The following PDZRN4 variants were observed in gnomAD, a reference collection of about 807,000 sequenced individuals.
PDZRN4 encodes PDZ domain containing ring finger 4.
A neutral mutation model predicts 99.0 loss-of-function variants in PDZRN4; 70 were observed. The observed-to-expected ratio is 0.71, with a 90% CI of 0.58 to 0.86. The LOEUF (loss-of-function observed/expected upper bound fraction) is 0.86. Among genes scored for constraint, PDZRN4 ranks in the 40% least tolerant of loss-of-function variants. The probability of loss-of-function intolerance (pLI) is 0.00; values close to 1 mark genes in which losing one functional copy is unlikely to be tolerated. For missense variants in PDZRN4, 1,474 were observed against 1,331.2 expected (o/e 1.11, Z -1.67); for synonymous variants, 551 against 501.6 (o/e 1.10, Z -1.32).
chr12:41,486,418 A>G (rs1047158605), intron 3 of PDZRN4, among the ~76,000 whole-genome samples: 2 of 152,130 alleles, frequency 1.3e-5, no homozygotes, highest in Non-Finnish European at 2.9e-5. Context: ...TGTCATGCAA[A>G]AAATAGGCGA....
At chr12:41,213,365 C>T (rs958660814) in intron 3 of PDZRN4, among the ~76,000 whole-genome samples, 1 of 152,034 alleles carries the variant, frequency 6.6e-6, no homozygotes, top group Non-Finnish European at 1.5e-5. Flanking sequence ...ACGGCTTCAA[C>T]ATATATTTCA....
chr12:41,569,054 G>A (rs7974163), intron 9 of PDZRN4, among the ~76,000 whole-genome samples: 49,035 of 151,014 alleles, frequency 0.32, 8,700 homozygotes, highest in Admixed American at 0.4. Flanking sequence ...CACCTGCCTC[G>A]GCCTCCCAAA....
chr12:41,424,503 C>T (rs1371529726), intron 3 of PDZRN4, among the ~76,000 whole-genome samples: 1 of 152,054 alleles, frequency 6.6e-6, no homozygotes, highest in African/African-American at 2.4e-5. Flanking sequence ...TGTCTTTACA[C>T]AAAATTGGTT....
intron 3 of PDZRN4, among the ~76,000 whole-genome samples, chr12:41,327,057 A>C (rs1419806252): frequency 6.6e-6 from 1 of 152,056 alleles, no homozygotes; most frequent in Non-Finnish European, 1.5e-5. Context: ...TTGAAGATGC[A>C]ATTCCTCTTT....
chr12:41,282,022 A>G (rs1304482383), intron 3 of PDZRN4, among the ~76,000 whole-genome samples: 1 of 152,216 alleles, frequency 6.6e-6, no homozygotes, highest in Non-Finnish European at 1.5e-5. Flanking sequence ...ATACATAACA[A>G]TATTAACCTT....
intron 3 of PDZRN4, among the ~76,000 whole-genome samples, chr12:41,424,225 C>T (rs1053838446): frequency 6.6e-6 from 1 of 152,108 alleles, no homozygotes; most frequent in Admixed American, 6.6e-5. Context: ...ATGCAAACTT[C>T]CTCTGAGAGT....
intron 3 of PDZRN4, among the ~76,000 whole-genome samples, chr12:41,363,391 G>A (rs1171456896): frequency 6.6e-6 from 1 of 152,020 alleles, no homozygotes; most frequent in Non-Finnish European, 1.5e-5. Context: ...GAAAAAATAA[G>A]CAAACAGACA....
At chr12:41,488,745 C>G (rs1342598359) in intron 3 of PDZRN4, among the ~76,000 whole-genome samples, 1 of 152,142 alleles carries the variant, frequency 6.6e-6, no homozygotes, top group East Asian at 1.9e-4. Context: ...TAATCCAAGT[C>G]AATTTTTTCC....
intron 3 of PDZRN4, among the ~76,000 whole-genome samples, chr12:41,386,328 A>G (rs1226783653): frequency 6.6e-6 from 1 of 152,210 alleles, no homozygotes; most frequent in Non-Finnish European, 1.5e-5. Context: ...ATCAGGCAAG[A>G]GAAAGAAATA....
intron 1 of PDZRN4, among the ~76,000 whole-genome samples, chr12:41,190,969 G>T (rs1445274978): frequency 2.0e-5 from 3 of 152,094 alleles, no homozygotes; most frequent in Admixed American, 1.3e-4. Flanking sequence ...AACAGATCCT[G>T]CATTACAACA....
rs200030232 is a variant in PDZRN4 at position 41,372,853 on chromosome 12, A to C, written c.844-133603A>C. ...GATATTTTGATTTGGAAAGAAGTCT[A>C]TACAGGATGAATTTAAAAAGCTTTT... On this transcript the variant is annotated intron_variant, in intron 3 of 9. Coordinates refer to ENST00000402685, the MANE Select transcript of PDZRN4 (RefSeq NM_001164595.2). Among the ~76,000 whole-genome samples the C allele has an allele frequency of 4.6e-5, 7 of 152,274 alleles. No homozygotes were observed. In the East Asian group the frequency reaches 1.2e-3, roughly 25 times the overall value.
chr12:41,539,051 A>G (rs1264566995), intron 5 of PDZRN4, among the ~76,000 whole-genome samples: 1 of 152,006 alleles, frequency 6.6e-6, no homozygotes, highest in African/African-American at 2.4e-5. Flanking sequence ...AATCAAACTT[A>G]GAAGGTATGT....
chr12:41,413,943 G>A (rs1952420313), intron 3 of PDZRN4, among the ~76,000 whole-genome samples: 1 of 152,146 alleles, frequency 6.6e-6, no homozygotes, highest in African/African-American at 2.4e-5. Context: ...TTTTGTAGTA[G>A]CAGGTATCAT....
intron 3 of PDZRN4, among the ~76,000 whole-genome samples, chr12:41,222,452 T>C (rs183877717): frequency 6.6e-6 from 1 of 152,212 alleles, no homozygotes; most frequent in East Asian, 1.9e-4. Context: ...TCGTATAAAA[T>C]GAGTTTTATA....
intron 1 of PDZRN4, among the ~76,000 whole-genome samples, chr12:41,189,924 C>G (rs1007253040): frequency 6.6e-6 from 1 of 152,144 alleles, no homozygotes; most frequent in East Asian, 1.9e-4. Context: ...AACTGCGCTC[C>G]TGGTCCTCCC....
chr12:41,241,462 T>A (rs1392104847), intron 3 of PDZRN4, among the ~76,000 whole-genome samples: 3 of 143,538 alleles, frequency 2.1e-5, no homozygotes, highest in Admixed American at 2.0e-4. Context: ...GAGCGTGGGC[T>A]TTTGTTACCA....
chr12:41,523,849 A>G (rs1433427791), intron 5 of PDZRN4, among the ~76,000 whole-genome samples: 1 of 152,176 alleles, frequency 6.6e-6, no homozygotes, highest in Non-Finnish European at 1.5e-5. Context: ...GCTGGAAAGT[A>G]CTAGTGTATA....
At chr12:41,556,386 C>A (rs1939162773) in intron 7 of PDZRN4, among the ~76,000 whole-genome samples, 1 of 152,226 alleles carries the variant, frequency 6.6e-6, no homozygotes, top group African/African-American at 2.4e-5. Context: ...GATGGTACAG[C>A]CTACTACACA....
intron 9 of PDZRN4, among the ~76,000 whole-genome samples, chr12:41,570,865 A>G (rs1373968857): frequency 6.6e-6 from 1 of 152,148 alleles, no homozygotes; most frequent in Admixed American, 6.5e-5. Flanking sequence ...TATGTTTTCA[A>G]CAAATGAAGG....
Sources: gnomAD v4.1 joint callset for allele counts (sites outside exome capture counted in the v4.1 genomes callset) on GRCh38, gnomAD v4.1.1 for gene constraint, MANE v1.5 for transcripts, NCBI Gene and HGNC (gene_info 2026-07-23, HGNC 2026-07-21) for gene names.